The following GFOD2 variants were observed in gnomAD, a reference collection of about 807,000 sequenced individuals.
GFOD2 encodes Gfo/Idh/MocA-like oxidoreductase domain containing 2.
GFOD2 carries 9 observed loss-of-function variants against 24.6 expected under a neutral mutation model. The ratio of observed to expected loss-of-function variants is 0.37; its 90% CI spans 0.22 to 0.64. The LOEUF is 0.64. Ranked by LOEUF, GFOD2 falls within the 30% of genes least tolerant of loss-of-function variation. The pLI, the probability that GFOD2 is intolerant of heterozygous loss-of-function variation, is 0.65. For missense variants in GFOD2, 476 were observed against 532.5 expected, an observed-to-expected ratio of 0.89 and a Z score of 1.04; for synonymous variants, 211 against 224.8, an observed-to-expected ratio of 0.94 and a Z score of 0.55.
intron 1 of GFOD2, among the ~76,000 whole-genome samples, chr16:67,696,125 T>A (rs1278884336): frequency 6.6e-6 from 1 of 151,882 alleles, no homozygotes; most frequent in Non-Finnish European, 1.5e-5. Context: ...GCGATTCTCC[T>A]GCCTCAGCCT....
intron 1 of GFOD2, among the ~76,000 whole-genome samples, chr16:67,694,745 T>C (rs2053345576): frequency 1.3e-5 from 2 of 152,196 alleles, no homozygotes; most frequent in Admixed American, 6.6e-5. Context: ...CTCGATTCTA[T>C]CTGAAGTACA....
intron 1 of GFOD2, among the ~76,000 whole-genome samples, chr16:67,713,097 T>C (rs1470185693): frequency 1.3e-5 from 2 of 150,232 alleles, no homozygotes; most frequent in African/African-American, 5.0e-5. Flanking sequence ...TTGGTCAGGC[T>C]GGTCTTGAAC....
intron 2 of GFOD2, among the ~76,000 whole-genome samples, chr16:67,679,463 T>C (rs1232119944): frequency 1.3e-5 from 2 of 152,050 alleles, no homozygotes; most frequent in Non-Finnish European, 2.9e-5. Flanking sequence ...CTTGAACTCC[T>C]GACCTCAGGT....
At position 67,675,461 on chromosome 16, in the gene GFOD2, C is replaced by A. The variant is rs779283353; in HGVS notation, c.852G>T (p.Ser284=). The A allele has an allele frequency of 2.5e-6, 4 of 1,612,168 alleles. No homozygotes were observed. Among genetic ancestry groups the A allele is most frequent in the Non-Finnish European group, 3.4e-6 (4 of 1,180,022 alleles). The part of the protein sequence containing the change: ...ATQEELLLRD[S]LAVGAGLPEQ... ...CAGGCAGTCCTGCGCCCACTGCCAG[C>A]GAGTCCCTCAAGAGCAGCTCCTCTT... The change falls in exon 3 of 3, where the codon TCG becomes TCT. Residue 284 remains serine, a synonymous_variant. Coordinates refer to ENST00000268797, the MANE Select transcript of GFOD2 (RefSeq NM_030819.4).
intron 1 of GFOD2, among the ~76,000 whole-genome samples, chr16:67,713,223 G>A (rs1020756260): frequency 6.6e-6 from 1 of 151,776 alleles, no homozygotes; most frequent in East Asian, 1.9e-4. Flanking sequence ...TAGTTTTATG[G>A]GTTACATAAC....
At chr16:67,682,941 G>A in intron 2 of GFOD2, 2 of 533,674 alleles carry the variant, frequency 3.7e-6, no homozygotes, top group Non-Finnish European at 4.8e-6. Flanking sequence ...CAGTAGGTTT[G>A]GAGTGGGGCC....
At chr16:67,715,847 A>AC (rs1471109715) in intron 1 of GFOD2, among the ~76,000 whole-genome samples, 48 of 152,112 alleles carry the variant, frequency 3.2e-4, no homozygotes, top group African/African-American at 1.1e-3. Context: ...AAAAAAAAAA[A>AC]AACTTGTTTT....
Position 67,690,612 on chromosome 16 carries a change from T to G in GFOD2, c.-87-4810A>C, listed in dbSNP as rs181555028. 8.0e-3 allele frequency among the ~76,000 whole-genome samples: 1,220 copies of G among 152,246 alleles called. 10 individuals are homozygous for G. The highest frequency in any genetic ancestry group is 0.012 in the Non-Finnish European group (833 of 68,018). The stretch of plus-strand genomic sequence containing the variant: ...GTGATCCTAGTGTGCAGCCACCAGC[T>G]GAGAACCTCTGAACTATGTTTAACG... On this transcript the variant is annotated intron_variant, in intron 1 of 2. Transcript: ENST00000268797.
At chr16:67,692,668 T>C (rs2142995115) in intron 1 of GFOD2, among the ~76,000 whole-genome samples, 1 of 147,836 alleles carries the variant, frequency 6.8e-6, no homozygotes, top group Non-Finnish European at 1.5e-5. Context: ...GGATACATAC[T>C]AAATACATTT....
chr16:67,676,216 T>C, intron 2 of GFOD2, 163 bp from the exon 3 acceptor site: 1 of 673,436 alleles, frequency 1.5e-6, no homozygotes, highest in Non-Finnish European at 2.5e-6. Context: ...CAGGCTAGTC[T>C]CAATCTCCTG....
At chr16:67,696,115 G>A (rs2053357084) in intron 1 of GFOD2, among the ~76,000 whole-genome samples, 1 of 151,588 alleles carries the variant, frequency 6.6e-6, no homozygotes, top group South Asian at 2.1e-4. Flanking sequence ...CCAGGTTCAA[G>A]CGATTCTCCT....
intron 1 of GFOD2, among the ~76,000 whole-genome samples, chr16:67,687,672 A>C (rs1206513378): frequency 4.0e-5 from 6 of 151,210 alleles, no homozygotes; most frequent in Non-Finnish European, 7.4e-5. Context: ...AAAAAGAAAA[A>C]AAAAAGATTT....
rs560024690 is a variant in GFOD2 at position 67,718,165 on chromosome 16, C to G, written c.-88+998G>C. The stretch of plus-strand genomic sequence containing the variant: ...ATATCACAATAAATTTAAGTGCCTT[C>G]CTTTTCTAAATTAAATGCTGTTCCC... On this transcript the variant is annotated intron_variant, in intron 1 of 2. Transcript: ENST00000268797. Among the ~76,000 whole-genome samples, 10 of 152,330 alleles carry G rather than the reference C, an allele frequency of 6.6e-5. No homozygotes were observed. The East Asian group carries it at 1.9e-3, about 29-fold the overall frequency.
At chr16:67,698,792 T>A (rs1316413095) in intron 1 of GFOD2, among the ~76,000 whole-genome samples, 2 of 152,174 alleles carry the variant, frequency 1.3e-5, no homozygotes, top group South Asian at 4.1e-4. Flanking sequence ...ATTTTTTTTC[T>A]TTAATTTGGC....
At chr16:67,690,280 T>A (rs1039082398) in intron 1 of GFOD2, among the ~76,000 whole-genome samples, 2 of 152,252 alleles carry the variant, frequency 1.3e-5, no homozygotes. Context: ...CCATTTTACA[T>A]TTCCTCCAAC....
intron 1 of GFOD2, among the ~76,000 whole-genome samples, chr16:67,696,505 G>A (rs750200261): frequency 1.3e-4 from 19 of 151,448 alleles, no homozygotes; most frequent in Non-Finnish European, 1.9e-4. Flanking sequence ...AGACAGTCTC[G>A]CTCCGTCACC....
intron 2 of GFOD2, among the ~76,000 whole-genome samples, chr16:67,678,604 A>G (rs2053201450): frequency 6.6e-6 from 1 of 152,196 alleles, no homozygotes; most frequent in African/African-American, 2.4e-5. Context: ...TGGAGCCAGA[A>G]ATTCCTGTGC....
intron 1 of GFOD2, among the ~76,000 whole-genome samples, chr16:67,704,065 T>C (rs534358554): frequency 2.0e-5 from 3 of 152,354 alleles, no homozygotes; most frequent in South Asian, 4.1e-4. Context: ...CGTGTGTAGA[T>C]ACCACATTTT....
At chr16:67,710,961 T>C (rs894747534) in intron 1 of GFOD2, among the ~76,000 whole-genome samples, 4 of 152,122 alleles carry the variant, frequency 2.6e-5, no homozygotes, top group African/African-American at 4.8e-5. Flanking sequence ...AACATTGACA[T>C]TGGTTGTGCA....
Sources: allele counts gnomAD v4.1 joint callset (sites outside exome capture counted in the v4.1 genomes callset), GRCh38; gene constraint gnomAD v4.1.1; transcripts MANE v1.5; gene names NCBI Gene and HGNC (gene_info 2026-07-23, HGNC 2026-07-21).